PHIP: variants seen among roughly 807,000 people sequenced by gnomAD.
The protein encoded by PHIP is PH-interacting protein.
In PHIP, 54 loss-of-function variants were observed where a neutral mutation model predicts 236.8. The observed-to-expected ratio is 0.23, with a 90% CI of 0.18 to 0.29. The LOEUF is 0.29. Ranked by LOEUF, PHIP falls within the 10% of genes least tolerant of loss-of-function variation. PHIP has a pLI of 1.00. For synonymous variants in PHIP, 756 were observed against 718.9 expected (o/e 1.05, Z -0.83); for missense variants, 1,370 against 2,190.8 (o/e 0.63, Z 7.48).
chr6:79,063,726 T>A (rs1773496350), intron 4 of PHIP, among the ~76,000 whole-genome samples: 1 of 152,144 alleles, frequency 6.6e-6, no homozygotes, highest in Non-Finnish European at 1.5e-5. Flanking sequence ...ATTCTAACAG[T>A]TTTAAAACAC....
At chr6:79,063,376 A>G (rs1773472277) in intron 4 of PHIP, among the ~76,000 whole-genome samples, 1 of 152,150 alleles carries the variant, frequency 6.6e-6, no homozygotes, top group African/African-American at 2.4e-5. Context: ...ATGCAGTAAA[A>G]TTTTTTTACA....
intron 7 of PHIP, among the ~76,000 whole-genome samples, chr6:79,037,477 T>C (rs759770837): frequency 2.6e-5 from 4 of 152,190 alleles, no homozygotes; most frequent in Non-Finnish European, 5.9e-5. Flanking sequence ...AAATTTGCAA[T>C]GTTTGCTCTT....
intron 21 of PHIP, among the ~76,000 whole-genome samples, chr6:78,987,427 C>T (rs1286051603): frequency 1.3e-5 from 2 of 152,084 alleles, no homozygotes; most frequent in Non-Finnish European, 2.9e-5. Context: ...TGGAGACTAA[C>T]TTAAATTGTG....
At chr6:79,030,025 T>A (rs1282970942) in intron 7 of PHIP, among the ~76,000 whole-genome samples, 1 of 152,028 alleles carries the variant, frequency 6.6e-6, no homozygotes, top group Non-Finnish European at 1.5e-5. Context: ...TAAAACCAAG[T>A]TATGGATATT....
chr6:79,072,705 T>TC (rs1245843738), intron 4 of PHIP, among the ~76,000 whole-genome samples: 1 of 151,990 alleles, frequency 6.6e-6, no homozygotes, highest in Non-Finnish European at 1.5e-5. Context: ...CAGGCTGGTC[T>TC]CCAACTCATG....
intron 24 of PHIP, among the ~76,000 whole-genome samples, chr6:78,977,238 A>G (rs1768159377): frequency 6.6e-6 from 1 of 151,324 alleles, no homozygotes; most frequent in South Asian, 2.1e-4. Context: ...GACATGGATG[A>G]AATTGGAAAC....
chr6:78,970,846 C>T lies in PHIP; in HGVS notation c.2932G>A (p.Ala978Thr). 1 of 1,611,018 alleles carries T rather than the reference C, an allele frequency of 6.2e-7. No individual in the cohort carries two copies. Among genetic ancestry groups the T allele is most frequent in the East Asian group, 2.2e-5 (1 of 44,706 alleles). Residue 978 changes from alanine (A) to threonine (T), a missense_variant, in exon 25 of 40, where the codon GCC (alanine) becomes ACC (threonine). By Grantham distance (58) the Ala-to-Thr change is moderately conservative. Coordinates refer to ENST00000275034, the MANE Select transcript of PHIP (RefSeq NM_017934.7). ...RQGHEAYVEM[A>T]RKNKIYSINP... The stretch of plus-strand genomic sequence containing the variant: ...ATACTATATATTTTATTTTTCCGGG[C>T]CATTTCGACATAGGCTTCATGTCCT...
intron 35 of PHIP, among the ~76,000 whole-genome samples, chr6:78,953,170 C>T (rs1280054383): frequency 3.3e-5 from 5 of 151,976 alleles, no homozygotes; most frequent in Admixed American, 6.6e-5. Flanking sequence ...AAAATTTCTC[C>T]TCTCTGACAC....
Position 79,019,169 on chromosome 6 carries a change from A to C in PHIP, c.924-10T>G. The C allele has an allele frequency of 6.3e-7, 1 of 1,595,482 alleles. No homozygotes were observed. Among genetic ancestry groups the C allele is most frequent in the Admixed American group, 1.7e-5 (1 of 59,750 alleles). On this transcript the variant is annotated splice_polypyrimidine_tract_variant and intron_variant, in intron 9 of 39. Coordinates refer to ENST00000275034, the MANE Select transcript of PHIP (RefSeq NM_017934.7). ...TTTTGCAGGTCTTGGGCTGTAATAC[A>C]AAAAATAAAGAATTAAAAATATCCT...
intron 4 of PHIP, among the ~76,000 whole-genome samples, chr6:79,063,590 T>A (rs1773489587): frequency 6.6e-6 from 1 of 152,164 alleles, no homozygotes; most frequent in South Asian, 2.1e-4. Context: ...CTAATTTTTG[T>A]ATTTTTAGTA....
intron 4 of PHIP, among the ~76,000 whole-genome samples, chr6:79,064,102 T>C (rs1170260234): frequency 6.6e-6 from 1 of 152,116 alleles, no homozygotes; most frequent in African/African-American, 2.4e-5. Context: ...CAATTCTGTC[T>C]CTTATTAACA....
chr6:79,038,855 C>T (rs762236773), intron 7 of PHIP, among the ~76,000 whole-genome samples: 2 of 152,198 alleles, frequency 1.3e-5, no homozygotes, highest in Non-Finnish European at 2.9e-5. Flanking sequence ...CCTTCACAAA[C>T]TTCTCCCCTT....
intron 16 of PHIP, among the ~76,000 whole-genome samples, chr6:79,003,164 G>C (rs1164618615): frequency 3.9e-5 from 6 of 151,954 alleles, no homozygotes; most frequent in Non-Finnish European, 8.8e-5. Flanking sequence ...CAGTTATTTA[G>C]CAGGCTGAAA....
In PHIP at chr6:79,001,451, A is replaced by G. The variant is rs929751123; in HGVS notation, c.1879+448T>C. ...TCATGCTATTATTCCCTTTAGTAAC[A>G]TTCATCACAATTTGAACTATGTATT... On this transcript the variant is annotated intron_variant, in intron 17 of 39. Coordinates refer to ENST00000275034, the MANE Select transcript of PHIP (RefSeq NM_017934.7). 2.0e-5 allele frequency among the ~76,000 whole-genome samples: 3 copies of G among 152,080 alleles called. No homozygotes were observed. In the South Asian group the frequency reaches 6.2e-4, roughly 32 times the overall value.
chr6:78,954,709 A>C, intron 35 of PHIP, 105 bp downstream of exon 35: 1 of 717,094 alleles, frequency 1.4e-6, no homozygotes, highest in Non-Finnish European at 2.2e-6. Context: ...ATAAAATAAT[A>C]AAGAAATAAA....
chr6:78,940,548 G>GTTTTT lies in PHIP; in HGVS notation c.*140_*144dup, dbSNP rs36155238. The GTTTTT allele has an allele frequency of 0.07, 5,763 of 82,678 alleles. 1,322 individuals carry two copies. Among genetic ancestry groups the GTTTTT allele is most frequent in the South Asian group, 0.1 (217 of 2,178 alleles). 5.1% of individuals were successfully genotyped at this position (82,678 alleles called of 1,614,324 possible). A position where few individuals can be genotyped will look rare whatever the true frequency, so the allele number is the denominator to read the frequency against. On this transcript the variant is annotated 3_prime_UTR_variant, in exon 40 of 40. Coordinates refer to ENST00000275034, the MANE Select transcript of PHIP (RefSeq NM_017934.7). ...AAGAAGTGAAGTGTCTCGTAAGTTT[G>GTTTTT]TTTTTTTTTTTTTTTTTTTTTTTGC...
At chr6:78,963,899 C>A (rs1226780542) in intron 29 of PHIP, among the ~76,000 whole-genome samples, 1 of 152,130 alleles carries the variant, frequency 6.6e-6, no homozygotes, top group Non-Finnish European at 1.5e-5. Context: ...AATCAAAATT[C>A]TCATCACAAA....
rs954696381 is a variant in PHIP, at chr6:78,939,266, C to G, written c.*1427G>C. ...ATTTACAATAGACAACTTAATTTTA[C>G]TAATGATGCAAAAAATAATAGAATA... On this transcript the variant is annotated 3_prime_UTR_variant, in exon 40 of 40. Coordinates refer to ENST00000275034, the MANE Select transcript of PHIP (RefSeq NM_017934.7). 2 of 151,592 alleles carry G rather than the reference C, an allele frequency of 1.3e-5. No individual in the cohort carries two copies. The highest frequency in any genetic ancestry group is 2.4e-5 in the African/African-American group (1 of 41,366). The allele number at this position is 151,592 out of a possible 1,614,324, so 9.4% of individuals were successfully genotyped here. A position where few individuals can be genotyped will look rare whatever the true frequency, so the allele number is the denominator to read the frequency against.
chr6:78,943,909 C>T (rs920221726), intron 39 of PHIP, among the ~76,000 whole-genome samples: 22 of 146,142 alleles, frequency 1.5e-4, no homozygotes, highest in African/African-American at 3.3e-4. Flanking sequence ...TTGCTTGAAC[C>T]GGCAAGGCAG....
Sources: gnomAD v4.1 joint callset for allele counts (sites outside exome capture counted in the v4.1 genomes callset) on GRCh38, gnomAD v4.1.1 for gene constraint, MANE v1.5 for transcripts, NCBI Gene and HGNC (gene_info 2026-07-23, HGNC 2026-07-21) for gene names.